CEMIP2: variants seen among roughly 807,000 people sequenced by gnomAD.
CEMIP2 encodes the protein cell surface hyaluronidase CEMIP2.
A neutral mutation model predicts 146.9 loss-of-function variants in CEMIP2; 79 were observed. The ratio of observed to expected loss-of-function variants is 0.54; its 90% CI spans 0.45 to 0.65. CEMIP2 has a LOEUF of 0.65. Ranked by LOEUF, CEMIP2 falls within the 30% of genes least tolerant of loss-of-function variation. CEMIP2 has a pLI of 0.00. For synonymous variants in CEMIP2, 601 were observed against 606.3 expected (o/e 0.99, Z 0.13); for missense variants, 1,596 against 1,696.2 (o/e 0.94, Z 1.04).
intron 16 of CEMIP2, 118 bp from the exon 17 acceptor site, chr9:71,709,592 G>A: frequency 1.2e-6 from 1 of 806,392 alleles, no homozygotes; most frequent in Non-Finnish European, 2.0e-6. Flanking sequence ...GCAGTTCTGA[G>A]TTACAGTTCA....
chr9:71,705,133 C>A (rs1822696664), intron 17 of CEMIP2, among the ~76,000 whole-genome samples: 1 of 151,434 alleles, frequency 6.6e-6, no homozygotes. Flanking sequence ...AACACACATA[C>A]AAAAAAAAAT....
chr9:71,683,572 A>G lies in CEMIP2; in HGVS notation c.*1625T>C, dbSNP rs1224435398. 8.4e-6 allele frequency: 1 copy of G among 119,402 alleles called. No individual in the cohort carries two copies. The highest frequency in any genetic ancestry group is 2.8e-4 in the East Asian group (1 of 3,530). The allele number at this position is 119,402 out of a possible 1,614,324, so 7.4% of individuals were successfully genotyped here. A position where few individuals can be genotyped will look rare whatever the true frequency, so the allele number is the denominator to read the frequency against. ...CACACTCTAATGACCTTCAGGAACC[A>G]TAATCCAATAATATATTTAATAGGT... On this transcript the variant is annotated 3_prime_UTR_variant, in exon 24 of 24. Transcript: ENST00000377044.
chr9:71,746,982 G>C (rs1824109301), intron 2 of CEMIP2, among the ~76,000 whole-genome samples: 1 of 152,210 alleles, frequency 6.6e-6, no homozygotes, highest in South Asian at 2.1e-4. Context: ...TTAGCAAGCT[G>C]AGTGATACGC....
intron 10 of CEMIP2, among the ~76,000 whole-genome samples, chr9:71,728,285 A>ACT: frequency 7.3e-5 from 2 of 27,312 alleles, no homozygotes; most frequent in East Asian, 2.0e-3. Context: ...ATATATGTAT[A>ACT]TATATATATA....
Position 71,750,347 on chromosome 9 carries a change from G to A in CEMIP2, c.27C>T (p.His9=). The change falls in exon 2 of 24, where the codon CAC becomes CAT. Residue 9 remains histidine, a synonymous_variant. Transcript: ENST00000377044. ...TCTGAGGTTGGAGGAAAGCAGGGGA[G>A]TGTCCCCTGGAATCAGTGGCATACA... MYATDSRG[H]SPAFLQPQNG... 3 of 1,613,232 alleles carry A rather than the reference G, an allele frequency of 1.9e-6. No individual in the cohort carries two copies. The highest frequency in any genetic ancestry group is 1.7e-6 in the Non-Finnish European group (2 of 1,179,680).
intron 12 of CEMIP2, among the ~76,000 whole-genome samples, chr9:71,720,583 C>A (rs1040947963): frequency 6.6e-6 from 1 of 152,192 alleles, no homozygotes; most frequent in Non-Finnish European, 1.5e-5. Context: ...TGAGCCATCA[C>A]GCCCGGCCCT....
intron 20 of CEMIP2, 83 bp downstream of exon 20, chr9:71,697,902 G>T: frequency 1.4e-6 from 2 of 1,388,604 alleles, no homozygotes; most frequent in African/African-American, 1.4e-5. Context: ...CAATATAGAT[G>T]TTTCAAAGAA....
At chr9:71,690,342 C>A in intron 21 of CEMIP2, 96 bp from the exon 22 acceptor site, 1 of 1,394,674 alleles carries the variant, frequency 7.2e-7, no homozygotes. Context: ...TCTTCTAAAC[C>A]CATGATTCAA....
chr9:71,690,032 T>C, intron 22 of CEMIP2, 60 bp downstream of exon 22: 1 of 1,585,274 alleles, frequency 6.3e-7, no homozygotes, highest in Non-Finnish European at 8.6e-7. Flanking sequence ...GCATTATCAG[T>C]TTGGAGCACT....
intron 3 of CEMIP2, among the ~76,000 whole-genome samples, chr9:71,745,955 T>C (rs1028831162): frequency 2.6e-5 from 4 of 152,222 alleles, no homozygotes; most frequent in African/African-American, 9.6e-5. Flanking sequence ...AACTGTTTCC[T>C]TGTCTATAAA....
chr9:71,692,034 A>G (rs1822242727), intron 21 of CEMIP2, among the ~76,000 whole-genome samples: 1 of 151,788 alleles, frequency 6.6e-6, no homozygotes, highest in African/African-American at 2.4e-5. Flanking sequence ...TCTTGAACCC[A>G]GAAGGCAGAG....
Position 71,709,353 on chromosome 9 carries a change from T to A in CEMIP2, c.2891A>T (p.Tyr964Phe), listed in dbSNP as rs991546924. 2.5e-6 allele frequency: 4 copies of A among 1,614,062 alleles called. No homozygotes were observed. The highest frequency in any genetic ancestry group is 1.7e-5 in the Admixed American group (1 of 60,008). ...CAGGTAGTTGTCCATTCTTCCCACA[T>A]AAGCATCCTTGTATCCTGTCACAGA... Reference protein sequence around the residue: ...DGSVTGYKDAYVGRMDNYLIR... With the variant: ...DGSVTGYKDAFVGRMDNYLIR... Residue 964 changes from tyrosine (Y) to phenylalanine (F), a missense_variant, in exon 17 of 24, where the codon TAT becomes TTT. Tyr to Phe is a conservative substitution (Grantham distance 22, BLOSUM62 3). Coordinates refer to ENST00000377044, the MANE Select transcript of CEMIP2 (RefSeq NM_013390.3).
At chr9:71,734,664 T>C in intron 6 of CEMIP2, 142 bp downstream of exon 6, 3 of 624,402 alleles carry the variant, frequency 4.8e-6, no homozygotes, top group Non-Finnish European at 5.0e-6. Context: ...TTTGATGCAC[T>C]CCACTGCTAT....
At position 71,685,766 on chromosome 9, in the gene CEMIP2, T is replaced by C. The variant is rs1033770377; in HGVS notation, c.3932A>G (p.Lys1311Arg). Reference protein sequence around the residue: ...SHLLVPLGLAKPAHLYDKGST... With the variant: ...SHLLVPLGLARPAHLYDKGST... ...ACCTTTGTCATAAAGATGAGCTGGT[T>C]TGGCTAATCCCAGAGGTACTAGTAA... The change falls in exon 23 of 24, where the codon AAA becomes AGA. Residue 1311 changes from lysine to arginine, a missense_variant. Physicochemically the swap from Lys to Arg is conservative, Grantham distance 26. Transcript: ENST00000377044. The C allele has an allele frequency of 1.2e-6, 2 of 1,613,804 alleles. No homozygotes were observed. The highest frequency in any genetic ancestry group is 1.7e-6 in the Non-Finnish European group (2 of 1,179,820).
chr9:71,703,777 CAGG>C (rs1290018795), intron 18 of CEMIP2, among the ~76,000 whole-genome samples: 1 of 152,180 alleles, frequency 6.6e-6, no homozygotes, highest in Non-Finnish European at 1.5e-5. Flanking sequence ...TCATTTCCCC[CAGG>C]AGAACTGGCC....
rs928173465 is a variant in CEMIP2 at position 71,746,051 on chromosome 9, C to T, written c.472+150G>A. 7 of 881,244 alleles carry T rather than the reference C, an allele frequency of 7.9e-6. No homozygotes were observed. In the Admixed American group the frequency reaches 2.1e-4, roughly 27 times the overall value. 54.6% of individuals were successfully genotyped at this position (881,244 alleles called of 1,614,324 possible). A position where few individuals can be genotyped will look rare whatever the true frequency, so the allele number is the denominator to read the frequency against. On this transcript the variant is annotated intron_variant, in intron 3 of 23. Transcript: ENST00000377044. Reference sequence around the variant, plus strand: ...CTCTGGATAAATTCTCTGGTTTTATCTCATGATCTTTCCAAATCTCCATGG... The same window carrying T: ...CTCTGGATAAATTCTCTGGTTTTATTTCATGATCTTTCCAAATCTCCATGG...
In CEMIP2 at chr9:71,731,743, A is replaced by AAAG. The variant is rs572898730; in HGVS notation, c.1563+607_1563+608insCTT. Among the ~76,000 whole-genome samples the AAAG allele has an allele frequency of 6.0e-3, 903 of 151,760 alleles. 42 individuals carry two copies. In the South Asian group the frequency reaches 0.12, roughly 21 times the overall value. ...TGAGACTGTATCTCAAAAAAAAAAAAAAAATTCCTTGTAACAGAAATACTA... is the reference window on the plus strand; with the variant it reads ...TGAGACTGTATCTCAAAAAAAAAAAAAAGAAAATTCCTTGTAACAGAAATACTA... On this transcript the variant is annotated intron_variant, in intron 7 of 23. Transcript: ENST00000377044.
At chr9:71,728,985 T>C (rs959537867) in intron 10 of CEMIP2, among the ~76,000 whole-genome samples, 7 of 150,666 alleles carry the variant, frequency 4.6e-5, no homozygotes, top group African/African-American at 1.7e-4. Flanking sequence ...CAAACACCAG[T>C]AGGCCTGGCT....
At chr9:71,721,091 A>AATAT (rs1589144353) in intron 12 of CEMIP2, among the ~76,000 whole-genome samples, 1 of 152,022 alleles carries the variant, frequency 6.6e-6, no homozygotes, top group Admixed American at 6.6e-5. Flanking sequence ...AATATACATA[A>AATAT]ATATATATAC....
Sources: allele counts gnomAD v4.1 joint callset (sites outside exome capture counted in the v4.1 genomes callset), GRCh38; gene constraint gnomAD v4.1.1; transcripts MANE v1.5; gene names NCBI Gene and HGNC (gene_info 2026-07-23, HGNC 2026-07-21).